The following PLCH1 variants were observed in gnomAD, a reference collection of about 807,000 sequenced individuals.
PLCH1 encodes 1-phosphatidylinositol 4,5-bisphosphate phosphodiesterase eta-1.
In PLCH1, 60 loss-of-function variants were observed where a neutral mutation model predicts 126.7. The ratio of observed to expected loss-of-function variants is 0.47; its 90% CI spans 0.38 to 0.59. PLCH1 has a LOEUF of 0.59. Ranked by LOEUF, PLCH1 falls within the 20% of genes least tolerant of loss-of-function variation. The probability of loss-of-function intolerance (pLI) is 0.00; values close to 1 mark genes in which losing one functional copy is unlikely to be tolerated. For missense variants in PLCH1, 1,723 were observed against 2,040.0 expected, an observed-to-expected ratio of 0.84 and a Z score of 2.99; for synonymous variants, 719 against 734.9, an observed-to-expected ratio of 0.98 and a Z score of 0.35.
chr3:155,516,459 A>ATGAG (rs1491222381), intron 11 of PLCH1, among the ~76,000 whole-genome samples: 1 of 126,416 alleles, frequency 7.9e-6, no homozygotes, highest in Non-Finnish European at 1.7e-5. Flanking sequence ...CAAAGAACAC[A>ATGAG]TGAGTTTTCC....
intron 2 of PLCH1, among the ~76,000 whole-genome samples, chr3:155,628,675 T>C (rs1327843843): frequency 6.6e-6 from 1 of 151,986 alleles, no homozygotes; most frequent in Non-Finnish European, 1.5e-5. Flanking sequence ...GTTATAGGAG[T>C]CTCAGCTATG....
chr3:155,502,752 G>T (rs1718092837), intron 13 of PLCH1, among the ~76,000 whole-genome samples: 1 of 152,168 alleles, frequency 6.6e-6, no homozygotes, highest in Non-Finnish European at 1.5e-5. Flanking sequence ...CACAGGTCGA[G>T]CTCTTCCGAG....
intron 7 of PLCH1, among the ~76,000 whole-genome samples, chr3:155,565,781 C>T (rs181763133): frequency 2.0e-4 from 31 of 151,528 alleles, no homozygotes; most frequent in East Asian, 1.4e-3. Context: ...CTGCAACCTC[C>T]GCCTCCCAGG....
chr3:155,566,142 TATATATAC>T lies in PLCH1; in HGVS notation c.866-1032_866-1025del, dbSNP rs1177381970. On this transcript the variant is annotated intron_variant, in intron 7 of 22. Coordinates refer to ENST00000460012, the MANE Select transcript of PLCH1 (RefSeq NM_014996.4). ...ATATATGTATATATACATATATATG[TATATATAC>T]ATATATACACATACATATATACACA... is the stretch of plus-strand genomic sequence containing the variant. 2.3e-5 allele frequency among the ~76,000 whole-genome samples: 3 copies of T among 132,598 alleles called. 1 individual carries two copies. The highest frequency in any genetic ancestry group is 4.0e-4 in the East Asian group (2 of 4,956). The allele number at this position is 132,598 out of a possible 152,430, so 87.0% of individuals were successfully genotyped here. A position where few individuals can be genotyped will look rare whatever the true frequency, so the allele number is the denominator to read the frequency against.
At chr3:155,528,218 C>T (rs1217626861) in intron 10 of PLCH1, among the ~76,000 whole-genome samples, 1 of 114,556 alleles carries the variant, frequency 8.7e-6, no homozygotes, top group African/African-American at 3.1e-5. Flanking sequence ...AGCGAGACTC[C>T]GTCTCCCCAC....
intron 6 of PLCH1, among the ~76,000 whole-genome samples, chr3:155,575,092 C>T (rs1729745489): frequency 6.6e-6 from 1 of 151,836 alleles, no homozygotes; most frequent in South Asian, 2.1e-4. Flanking sequence ...GACAGCACCA[C>T]TGCACTCCAG....
chr3:155,733,337 A>T (rs1748910348), intron 1 of PLCH1, among the ~76,000 whole-genome samples: 1 of 152,228 alleles, frequency 6.6e-6, no homozygotes, highest in Non-Finnish European at 1.5e-5. Context: ...AAGCTATAGT[A>T]TTCAAAACAG....
chr3:155,639,044 A>T (rs1162613107), intron 2 of PLCH1, among the ~76,000 whole-genome samples: 1 of 152,224 alleles, frequency 6.6e-6, no homozygotes, highest in East Asian at 1.9e-4. Context: ...TCTATATTAC[A>T]GCACCTTAAA....
At chr3:155,553,767 T>C (rs1182022921) in intron 9 of PLCH1, among the ~76,000 whole-genome samples, 2 of 152,154 alleles carry the variant, frequency 1.3e-5, no homozygotes, top group Non-Finnish European at 2.9e-5. Flanking sequence ...CAGTAACCTA[T>C]GTTTCCAGAT....
intron 10 of PLCH1, among the ~76,000 whole-genome samples, chr3:155,535,816 C>A (rs747853142): frequency 1.2e-4 from 18 of 152,158 alleles, no homozygotes; most frequent in Non-Finnish European, 1.5e-4. Context: ...AGCTGATGAT[C>A]TCTTAAAAGT....
intron 1 of PLCH1, among the ~76,000 whole-genome samples, chr3:155,721,839 G>A (rs890139593): frequency 6.6e-6 from 1 of 152,106 alleles, no homozygotes; most frequent in Admixed American, 6.5e-5. Flanking sequence ...CCTGAAGTCG[G>A]GAGTTCAAGA....
intron 8 of PLCH1, among the ~76,000 whole-genome samples, chr3:155,561,204 C>T (rs1727549129): frequency 6.6e-6 from 1 of 151,406 alleles, no homozygotes; most frequent in African/African-American, 2.4e-5. Flanking sequence ...CATATGTATA[C>T]ATGTGCCATG....
rs1027498851 is a variant in PLCH1 at position 155,566,222 on chromosome 3, T to C, written c.866-1104A>G. The stretch of plus-strand genomic sequence containing the variant: ...ATACATATATACACATATATACGTA[T>C]ATATACACATATATATACATATATA... On this transcript the variant is annotated intron_variant, in intron 7 of 22. Coordinates refer to ENST00000460012, the MANE Select transcript of PLCH1 (RefSeq NM_014996.4). Among the ~76,000 whole-genome samples the C allele has an allele frequency of 5.2e-5, 7 of 133,412 alleles. 1 individual carries two copies. Among genetic ancestry groups the C allele is most frequent in the Non-Finnish European group, 9.6e-5 (6 of 62,552 alleles). The allele number at this position is 133,412 out of a possible 152,430, so 87.5% of individuals were successfully genotyped here.
chr3:155,564,963 C>A lies in PLCH1; in HGVS notation c.1021G>T (p.Val341Leu). Residue 341 changes from valine (V) to leucine (L), a missense_variant, in exon 8 of 23, where the codon GTG becomes TTG. Val to Leu is a conservative substitution (Grantham distance 32, BLOSUM62 1). This residue lies in a region of PLCH1 where 776 missense variants were observed against 1,062.9 expected (regional missense o/e 0.73). Transcript: ENST00000460012. ...TGDQLLSQSK[V>L]DMYARVLQEG... is the part of the protein sequence containing the mutation. ...TGCAGCACCCGTGCATACATATCCACTTTGGACTGAGAAAGGAGCTGGTCT... is the reference window on the plus strand; with the variant it reads ...TGCAGCACCCGTGCATACATATCCAATTTGGACTGAGAAAGGAGCTGGTCT... 6.2e-7 allele frequency: 1 copy of A among 1,614,064 alleles called. No individual in the cohort carries two copies. The highest frequency in any genetic ancestry group is 8.5e-7 in the Non-Finnish European group (1 of 1,179,934).
chr3:155,465,032 C>T (rs1216214272), intron 21 of PLCH1, among the ~76,000 whole-genome samples: 1 of 150,614 alleles, frequency 6.6e-6, no homozygotes, highest in African/African-American at 2.5e-5. Context: ...TGGTGTGAAC[C>T]TGGGAGGTGG....
chr3:155,738,061 G>C (rs1304119716), intron 1 of PLCH1, among the ~76,000 whole-genome samples: 1 of 152,182 alleles, frequency 6.6e-6, no homozygotes, highest in Admixed American at 6.5e-5. Context: ...GCAATTGACC[G>C]GGTAAGGCTA....
In PLCH1 at chr3:155,459,499, A is replaced by G. The variant is rs115548527; in HGVS notation, c.2938+25857T>C. Among the ~76,000 whole-genome samples, 111 of 152,368 alleles carry G rather than the reference A, an allele frequency of 7.3e-4. 1 individual carries two copies. The highest frequency in any genetic ancestry group is 2.5e-3 in the African/African-American group (106 of 41,594). On this transcript the variant is annotated intron_variant, in intron 21 of 21. Coordinates refer to the PLCH1 transcript ENST00000494598. ...TGACTCCTCGAAGCCTGGATTCACA[A>G]TGTAAATTAAATTGAGTGAAAATGT...
chr3:155,488,528 G>T, intron 20 of PLCH1, 132 bp downstream of exon 20: 1 of 844,476 alleles, frequency 1.2e-6, no homozygotes, highest in Non-Finnish European at 1.8e-6. Context: ...TACAAAGTTT[G>T]TTAAAAGTCA....
chr3:155,720,233 C>T (rs10428198), intron 1 of PLCH1, among the ~76,000 whole-genome samples: 31,993 of 152,040 alleles, frequency 0.21, 3,463 homozygotes, highest in South Asian at 0.27. Context: ...GGGTTCATAC[C>T]CAGTAGTGGG....
Sources: allele counts gnomAD v4.1 joint callset (sites outside exome capture counted in the v4.1 genomes callset), GRCh38; gene constraint gnomAD v4.1.1; regional missense constraint gnomAD v4.1.1; transcripts MANE v1.5; gene names NCBI Gene and HGNC (gene_info 2026-07-23, HGNC 2026-07-21).